ABCC1: variants seen among roughly 807,000 people sequenced by gnomAD.
ABCC1 encodes ATP binding cassette subfamily C member 1 (ABCC1 blood group), also known as multidrug resistance-associated protein 1.
ABCC1 carries 83 observed loss-of-function variants against 172.9 expected under a neutral mutation model. That is an observed-to-expected ratio of 0.48 (90% CI 0.40 to 0.58). The LOEUF (loss-of-function observed/expected upper bound fraction) is 0.58, where lower values mean the gene tolerates loss of function less well. Ranked by LOEUF, ABCC1 falls within the 20% of genes least tolerant of loss-of-function variation. ABCC1 has a pLI of 0.00. For synonymous variants in ABCC1, 937 were observed against 825.2 expected, an observed-to-expected ratio of 1.14 and a Z score of -2.32; for missense variants, 1,817 against 2,002.7, an observed-to-expected ratio of 0.91 and a Z score of 1.77.
intron 5 of ABCC1, among the ~76,000 whole-genome samples, chr16:16,029,139 C>T (rs979918975): frequency 1.3e-5 from 2 of 152,182 alleles, no homozygotes; most frequent in Non-Finnish European, 2.9e-5. Flanking sequence ...ATTTGAATCA[C>T]TGGAGGAGCT....
chr16:15,961,489 T>C (rs2046130364), intron 1 of ABCC1, among the ~76,000 whole-genome samples: 1 of 152,210 alleles, frequency 6.6e-6, no homozygotes, highest in African/African-American at 2.4e-5. Flanking sequence ...ATAAAAGTTT[T>C]AGTATGTTCC....
At chr16:16,102,845 A>C (rs1225866213) in intron 20 of ABCC1, 128 bp downstream of exon 20, 8 of 839,534 alleles carry the variant, frequency 9.5e-6, no homozygotes, top group Non-Finnish European at 1.3e-5. Context: ...TTCCCTCCCA[A>C]ATCCTCCAAG....
intron 1 of ABCC1, among the ~76,000 whole-genome samples, chr16:15,953,906 G>C (rs1003630741): frequency 9.9e-5 from 15 of 151,972 alleles, no homozygotes; most frequent in African/African-American, 3.1e-4. Flanking sequence ...CTCAACAGCA[G>C]TGTACGACGA....
chr16:16,095,588 G>A (rs2051440174), intron 19 of ABCC1, among the ~76,000 whole-genome samples: 1 of 152,220 alleles, frequency 6.6e-6, no homozygotes, highest in Admixed American at 6.5e-5. Flanking sequence ...AACCCTGTGT[G>A]CTCCGACTTC....
At chr16:16,048,431 A>G (rs752629820) in intron 10 of ABCC1, 128 bp downstream of exon 10, 51 of 1,144,766 alleles carry the variant, frequency 4.5e-5, no homozygotes, top group Non-Finnish European at 6.0e-5. Context: ...TGTGGTTCAT[A>G]TTTTATTTTC....
intron 19 of ABCC1, among the ~76,000 whole-genome samples, chr16:16,100,161 C>A (rs1396480119): frequency 6.6e-6 from 1 of 152,078 alleles, no homozygotes; most frequent in African/African-American, 2.4e-5. Flanking sequence ...GGCGCTTGGT[C>A]CTCCTCCGTG....
chr16:16,103,867 G>A (rs8047497), intron 20 of ABCC1, among the ~76,000 whole-genome samples: 3,729 of 152,242 alleles, frequency 0.024, 64 homozygotes, highest in Non-Finnish European at 0.035. Context: ...GAATGAAGCC[G>A]CAGACCCTCA....
chr16:15,961,640 T>A (rs1001711180), intron 1 of ABCC1, among the ~76,000 whole-genome samples: 3 of 152,208 alleles, frequency 2.0e-5, no homozygotes, highest in African/African-American at 7.2e-5. Flanking sequence ...TATGTTTACA[T>A]ATTCATTTTT....
At chr16:16,037,018 C>G (rs950889178) in intron 7 of ABCC1, among the ~76,000 whole-genome samples, 7 of 151,970 alleles carry the variant, frequency 4.6e-5, no homozygotes, top group Admixed American at 1.3e-4. Context: ...AGGAGAATCA[C>G]TTGAACCCAG....
chr16:15,968,358 A>G (rs1431002942), intron 1 of ABCC1, among the ~76,000 whole-genome samples: 1 of 151,976 alleles, frequency 6.6e-6, no homozygotes, highest in Non-Finnish European at 1.5e-5. Context: ...TCTTATTGGC[A>G]GGTTGATGTT....
chr16:16,083,979 T>C (rs1172393404), intron 17 of ABCC1, among the ~76,000 whole-genome samples: 3 of 152,204 alleles, frequency 2.0e-5, no homozygotes, highest in Non-Finnish European at 4.4e-5. Context: ...GGGCATGCTG[T>C]TGGGAGGAGG....
Position 16,102,656 on chromosome 16 carries a change from G to C in ABCC1, c.2674G>C (p.Glu892Gln). ...GVTGVSGPGK[E>Q]AKQMENGMLV... ...CACGGGCGTCAGCGGTCCAGGGAAG[G>C]AAGCAAAGCAAATGGAGAATGGCAT... Residue 892 changes from glutamate (E) to glutamine (Q), a missense_variant, in exon 20 of 31, where the codon GAA becomes CAA. Physicochemically the swap from Glu to Gln is conservative, Grantham distance 29. This residue lies in a region of ABCC1 where 1,412 missense variants were observed against 1,600.3 expected (regional missense o/e 0.88). Transcript: ENST00000399410. 6.3e-7 allele frequency: 1 copy of C among 1,591,202 alleles called. No individual in the cohort carries two copies. The highest frequency in any genetic ancestry group is 1.1e-5 in the South Asian group (1 of 87,150).
intron 5 of ABCC1, among the ~76,000 whole-genome samples, chr16:16,024,998 C>T (rs980345886): frequency 6.6e-6 from 1 of 151,790 alleles, no homozygotes; most frequent in Non-Finnish European, 1.5e-5. Flanking sequence ...GACCCCATCT[C>T]TTGAAACAAA....
At chr16:16,088,685 T>C (rs2051115985) in intron 18 of ABCC1, among the ~76,000 whole-genome samples, 1 of 151,454 alleles carries the variant, frequency 6.6e-6, no homozygotes. Flanking sequence ...AATAAAACTT[T>C]ATTGGAACAT....
intron 22 of ABCC1, among the ~76,000 whole-genome samples, chr16:16,112,432 TGCA>T (rs915144561): frequency 4.6e-5 from 7 of 152,202 alleles, no homozygotes; most frequent in Admixed American, 3.9e-4. Flanking sequence ...AGTCCTCAAA[TGCA>T]GCAGCGTTGA....
At chr16:15,950,493 C>T (rs1449434591) in intron 1 of ABCC1, among the ~76,000 whole-genome samples, 1 of 152,128 alleles carries the variant, frequency 6.6e-6, no homozygotes, top group African/African-American at 2.4e-5. Flanking sequence ...AGCTGTGGTC[C>T]TGCCCTCCCT....
chr16:16,137,545 C>CTTTTTTT lies in ABCC1; in HGVS notation c.4293-797_4293-791dup, dbSNP rs151237296. 5.6e-4 allele frequency among the ~76,000 whole-genome samples: 32 copies of CTTTTTTT among 56,682 alleles called. 1 individual carries two copies. Among genetic ancestry groups the CTTTTTTT allele is most frequent in the African/African-American group, 1.6e-3 (28 of 17,264 alleles). 37.2% of individuals were successfully genotyped at this position (56,682 alleles called of 152,430 possible). A position where few individuals can be genotyped will look rare whatever the true frequency, so the allele number is the denominator to read the frequency against. ...GATAAGGGATGCATGGGTATGAGGC[C>CTTTTTTT]TTTTTTTTTTTTTTTTTTTTTTTTT... On this transcript the variant is annotated intron_variant, in intron 29 of 30. Coordinates refer to ENST00000399410, the MANE Select transcript of ABCC1 (RefSeq NM_004996.4).
chr16:16,080,570 G>T (rs568506607), intron 16 of ABCC1, among the ~76,000 whole-genome samples: 1 of 152,260 alleles, frequency 6.6e-6, no homozygotes, highest in African/African-American at 2.4e-5. Context: ...TTTGCTACCA[G>T]CATTTCCAGG....
intron 19 of ABCC1, among the ~76,000 whole-genome samples, chr16:16,097,192 A>C (rs1430676449): frequency 6.6e-6 from 1 of 152,128 alleles, no homozygotes; most frequent in Non-Finnish European, 1.5e-5. Context: ...GGCTCACTGC[A>C]ACCTCCACCT....
Sources: gnomAD v4.1 joint callset for allele counts (sites outside exome capture counted in the v4.1 genomes callset) on GRCh38, gnomAD v4.1.1 for gene constraint, gnomAD v4.1.1 regional missense constraint, MANE v1.5 for transcripts, NCBI Gene and HGNC (gene_info 2026-07-23, HGNC 2026-07-21) for gene names.